Variants in GLT8D2 observed in about 807,000 individuals in gnomAD.
GLT8D2 encodes the protein glycosyltransferase 8 domain containing 2, also known as glycosyltransferase 8 domain-containing protein 2.
GLT8D2 carries 45 observed loss-of-function variants against 44.5 expected under a neutral mutation model. The observed-to-expected ratio is 1.01, with a 90% CI of 0.80 to 1.30. The LOEUF (loss-of-function observed/expected upper bound fraction) is 1.30, where lower values mean the gene tolerates loss of function less well. Among genes scored for constraint, GLT8D2 ranks in the 50% most tolerant of loss-of-function variants. The probability of loss-of-function intolerance (pLI) is 0.00; values close to 1 mark genes in which losing one functional copy is unlikely to be tolerated. For synonymous variants in GLT8D2, 156 were observed against 157.2 expected (o/e 0.99, Z 0.06); for missense variants, 400 against 430.4 (o/e 0.93, Z 0.62).
chr12:104,017,209 G>T (rs1359113064), intron 3 of GLT8D2, among the ~76,000 whole-genome samples: 1 of 151,258 alleles, frequency 6.6e-6, no homozygotes, highest in Middle Eastern at 3.4e-3. Flanking sequence ...TTGTATATGT[G>T]TTTAAAGCTA....
intron 1 of GLT8D2, among the ~76,000 whole-genome samples, chr12:104,046,728 CAG>C (rs938813679): frequency 2.6e-5 from 4 of 152,216 alleles, no homozygotes; most frequent in African/African-American, 9.6e-5. Flanking sequence ...GATCAGGACT[CAG>C]GAGTCTGTCC....
chr12:104,001,363 T>C (rs183464153), intron 5 of GLT8D2, among the ~76,000 whole-genome samples: 8 of 152,362 alleles, frequency 5.3e-5, no homozygotes, highest in Non-Finnish European at 8.8e-5. Flanking sequence ...TTTGGTAATA[T>C]GTACTAGAAT....
intron 1 of GLT8D2, among the ~76,000 whole-genome samples, chr12:104,046,834 T>C (rs1263495234): frequency 6.9e-6 from 1 of 145,458 alleles, no homozygotes; most frequent in Non-Finnish European, 1.5e-5. Context: ...TCTTACTCCA[T>C]TTTTTTTTTT....
At chr12:104,023,821 A>C (rs550028512) in intron 1 of GLT8D2, among the ~76,000 whole-genome samples, 1 of 152,308 alleles carries the variant, frequency 6.6e-6, no homozygotes, top group African/African-American at 2.4e-5. Context: ...TCTTTCAATT[A>C]GCATAATGTT....
chr12:104,010,806 G>C (rs1875736496), intron 4 of GLT8D2, among the ~76,000 whole-genome samples: 1 of 152,200 alleles, frequency 6.6e-6, no homozygotes, highest in Non-Finnish European at 1.5e-5. Flanking sequence ...ATGAAAGTTT[G>C]CTGGAATGAA....
At chr12:104,033,602 T>C (rs1227830850) in intron 1 of GLT8D2, among the ~76,000 whole-genome samples, 3 of 152,144 alleles carry the variant, frequency 2.0e-5, no homozygotes, top group Non-Finnish European at 4.4e-5. Flanking sequence ...TTATTACTAA[T>C]AATGTATTGT....
At chr12:104,019,550 G>T (rs1164941532) in intron 3 of GLT8D2, 80 bp downstream of exon 3, 42 of 1,135,198 alleles carry the variant, frequency 3.7e-5, no homozygotes, top group Non-Finnish European at 5.1e-5. Context: ...CAAGAAAGAA[G>T]AAAAGAGCCA....
At chr12:104,002,345 T>C (rs1292378596) in intron 5 of GLT8D2, among the ~76,000 whole-genome samples, 1 of 152,254 alleles carries the variant, frequency 6.6e-6, no homozygotes, top group African/African-American at 2.4e-5. Context: ...TTTTTAACCA[T>C]GTTTTTAAAA....
chr12:103,996,836 C>T lies in GLT8D2; in HGVS notation c.499G>A (p.Glu167Lys). Residue 167 changes from glutamate (E) to lysine (K), a missense_variant, in exon 8 of 11, where the codon GAA becomes AAA. Glu to Lys is a moderately conservative substitution (Grantham distance 56). Coordinates refer to ENST00000360814, the MANE Select transcript of GLT8D2 (RefSeq NM_001384711.1). ...DDVIVQGDIQ[E>K]LYDTTLALGH... is the part of the protein sequence containing the mutation. ...AGGGCCAAGGTGGTGTCATACAGTTCTTGGATATCACCTGAATTTAGAAAC... is the reference window on the plus strand; with the variant it reads ...AGGGCCAAGGTGGTGTCATACAGTTTTTGGATATCACCTGAATTTAGAAAC... The T allele has an allele frequency of 6.2e-7, 1 of 1,611,392 alleles. No individual in the cohort carries two copies.
At chr12:104,053,350 C>A (rs1443761283), upstream of GLT8D2, among the ~76,000 whole-genome samples, 1 of 152,224 alleles carries the variant, frequency 6.6e-6, no homozygotes, top group Non-Finnish European at 1.5e-5. Context: ...GATGTCCACA[C>A]TGTATGCACA....
At chr12:104,011,682 G>A (rs1419772016) in intron 4 of GLT8D2, among the ~76,000 whole-genome samples, 1 of 152,032 alleles carries the variant, frequency 6.6e-6, no homozygotes, top group African/African-American at 2.4e-5. Flanking sequence ...TTGAATTAAT[G>A]TTTTTCAAAT....
chr12:104,001,973 CTTAT>C (rs1874278008), intron 5 of GLT8D2, among the ~76,000 whole-genome samples: 1 of 152,174 alleles, frequency 6.6e-6, no homozygotes, highest in African/African-American at 2.4e-5. Context: ...TGCGCCCAGC[CTTAT>C]TTATTTATTT....
upstream of GLT8D2, among the ~76,000 whole-genome samples, chr12:104,051,488 T>G (rs1296372480): frequency 6.6e-6 from 1 of 152,212 alleles, no homozygotes; most frequent in Admixed American, 6.5e-5. Flanking sequence ...ATGTAATAAT[T>G]GTACATATTC....
intron 2 of GLT8D2, 110 bp from the exon 3 acceptor site, chr12:104,019,786 T>G (rs1295934662): frequency 1.6e-6 from 1 of 622,048 alleles, no homozygotes; most frequent in Non-Finnish European, 2.7e-6. Flanking sequence ...GTGAAGTGTG[T>G]GATCATTTTT....
intron 1 of GLT8D2, among the ~76,000 whole-genome samples, chr12:104,041,395 CAGAA>C (rs1880535033): frequency 6.6e-6 from 1 of 152,176 alleles, no homozygotes; most frequent in African/African-American, 2.4e-5. Flanking sequence ...GCCTGGGCGA[CAGAA>C]AGAGACTCTG....
At chr12:104,014,252 T>C (rs1652266998) in intron 4 of GLT8D2, 1 of 698,640 alleles carries the variant, frequency 1.4e-6, no homozygotes, top group African/African-American at 1.8e-5. Context: ...CTTCCTGGGG[T>C]GCTGAGGCCG....
intron 4 of GLT8D2, among the ~76,000 whole-genome samples, chr12:104,008,634 CCCCA>C (rs1338630258): frequency 1.8e-4 from 28 of 152,376 alleles, no homozygotes; most frequent in African/African-American, 6.7e-4. Flanking sequence ...AAACATTAAT[CCCCA>C]AGACAATGGG....
chr12:104,060,991 G>C (rs1048565174), intron 1 of GLT8D2, among the ~76,000 whole-genome samples: 1 of 152,094 alleles, frequency 6.6e-6, no homozygotes, highest in South Asian at 2.1e-4. Context: ...GATGGAGTCA[G>C]AGACTGGAGT....
chr12:104,012,964 C>A, intron 4 of GLT8D2: 1 of 551,926 alleles, frequency 1.8e-6, no homozygotes, highest in Non-Finnish European at 3.2e-6. Context: ...GAAACAAAAC[C>A]TGCTCACACC....
Sources: allele counts gnomAD v4.1 joint callset (sites outside exome capture counted in the v4.1 genomes callset), GRCh38; gene constraint gnomAD v4.1.1; transcripts MANE v1.5; gene names NCBI Gene and HGNC (gene_info 2026-07-23, HGNC 2026-07-21).